BAALC: variants seen among roughly 807,000 people sequenced by gnomAD.
BAALC encodes the protein BAALC binder of MAP3K1 and KLF4.
BAALC carries 9 observed loss-of-function variants against 15.5 expected under a neutral mutation model. The observed-to-expected ratio is 0.58, with a 90% CI of 0.35 to 1.02. BAALC has a LOEUF of 1.02. Ranked by LOEUF, BAALC falls within the 50% of genes least tolerant of loss-of-function variation. The pLI is 0.02. For synonymous variants in BAALC, 80 were observed against 74.6 expected (o/e 1.07, Z -0.37); for missense variants, 201 against 192.4 (o/e 1.04, Z -0.27).
At chr8:103,184,102 C>T (rs556285343) in intron 1 of BAALC, among the ~76,000 whole-genome samples, 1 of 152,314 alleles carries the variant, frequency 6.6e-6, no homozygotes, top group Admixed American at 6.5e-5. Flanking sequence ...AAACTAGCAA[C>T]ATTGCATCTC....
At chr8:103,224,242 C>A (rs911534959) in intron 2 of BAALC, among the ~76,000 whole-genome samples, 8 of 151,988 alleles carry the variant, frequency 5.3e-5, no homozygotes, top group Non-Finnish European at 8.8e-5. Context: ...TTATTCTGAG[C>A]CAAATATGAG....
intron 1 of BAALC, among the ~76,000 whole-genome samples, chr8:103,193,228 G>C (rs925262446): frequency 3.3e-5 from 5 of 152,246 alleles, no homozygotes; most frequent in Admixed American, 1.3e-4. Context: ...TATGCATGCA[G>C]TAAACAGACC....
At chr8:103,202,804 TGAA>T (rs1216644627) in intron 1 of BAALC, 1 of 152,210 alleles carries the variant, frequency 6.6e-6, no homozygotes, top group Non-Finnish European at 1.5e-5. Context: ...GTACCTGCCT[TGAA>T]GAATCTGCTC....
intron 1 of BAALC, among the ~76,000 whole-genome samples, chr8:103,206,664 T>C (rs1329154221): frequency 6.6e-6 from 1 of 151,826 alleles, no homozygotes; most frequent in Non-Finnish European, 1.5e-5. Context: ...AAGAAATACA[T>C]CCAACAAGCA....
intron 2 of BAALC, among the ~76,000 whole-genome samples, chr8:103,224,702 G>A (rs1812764868): frequency 6.6e-6 from 1 of 152,126 alleles, no homozygotes; most frequent in African/African-American, 2.4e-5. Flanking sequence ...AAAAAGGAAG[G>A]GGAAAGGGGA....
In BAALC at chr8:103,162,237, C is replaced by A. The variant is rs61032159; in HGVS notation, c.160+21180C>A. Among the ~76,000 whole-genome samples, 763 of 152,292 alleles carry A rather than the reference C, an allele frequency of 5.0e-3. 10 individuals are homozygous for A. Among genetic ancestry groups the A allele is most frequent in the African/African-American group, 0.017 (720 of 41,546 alleles). On this transcript the variant is annotated intron_variant, in intron 1 of 2. Coordinates refer to ENST00000309982, the MANE Select transcript of BAALC (RefSeq NM_024812.3). ...TTGGCCTCCGGAAGTGTTGGGATTACAGGAATGAGCCACCATGCCCAGCTT... is the reference window on the plus strand; with the variant it reads ...TTGGCCTCCGGAAGTGTTGGGATTAAAGGAATGAGCCACCATGCCCAGCTT...
chr8:103,205,422 G>A (rs552506072), intron 1 of BAALC, among the ~76,000 whole-genome samples: 7 of 152,296 alleles, frequency 4.6e-5, no homozygotes, highest in East Asian at 3.9e-4. Context: ...TACTCTAGGG[G>A]CACATAAATG....
At chr8:103,183,009 A>T (rs1327956218) in intron 1 of BAALC, among the ~76,000 whole-genome samples, 1 of 152,226 alleles carries the variant, frequency 6.6e-6, no homozygotes, top group Non-Finnish European at 1.5e-5. Flanking sequence ...ACAGAAGATG[A>T]CCTTGACATA....
At position 103,157,194 on chromosome 8, in the gene BAALC, C is replaced by T. The variant is rs190981462; in HGVS notation, c.160+16137C>T. ...TATATCTTCAATTGAGCATCAAACACCATCTGGTTGCAATTGCTCAAAACA... is the reference window on the plus strand; with the variant it reads ...TATATCTTCAATTGAGCATCAAACATCATCTGGTTGCAATTGCTCAAAACA... On this transcript the variant is annotated intron_variant, in intron 1 of 2. Transcript: ENST00000309982. 6.7e-3 allele frequency among the ~76,000 whole-genome samples: 1,020 copies of T among 152,156 alleles called. 8 individuals carry two copies. Among genetic ancestry groups the T allele is most frequent in the Non-Finnish European group, 0.01 (681 of 67,994 alleles).
At chr8:103,194,362 A>G (rs1263089306) in intron 1 of BAALC, among the ~76,000 whole-genome samples, 2 of 151,698 alleles carry the variant, frequency 1.3e-5, no homozygotes, top group East Asian at 3.9e-4. Context: ...TACACACAAT[A>G]TAATGTAGTC....
At chr8:103,212,292 A>G (rs1032532754) in intron 1 of BAALC, among the ~76,000 whole-genome samples, 1 of 152,106 alleles carries the variant, frequency 6.6e-6, no homozygotes, top group African/African-American at 2.4e-5. Flanking sequence ...AAAAAAATAT[A>G]CAAAAATTAG....
intron 1 of BAALC, among the ~76,000 whole-genome samples, chr8:103,182,075 C>G (rs1391934098): frequency 6.6e-6 from 1 of 152,200 alleles, no homozygotes; most frequent in Non-Finnish European, 1.5e-5. Context: ...TCATCCAGAG[C>G]CTTTTCTTCT....
intron 1 of BAALC, among the ~76,000 whole-genome samples, chr8:103,200,366 T>C (rs1343066506): frequency 1.3e-5 from 2 of 152,178 alleles, no homozygotes; most frequent in African/African-American, 2.4e-5. Flanking sequence ...CCCAAAGGAA[T>C]ATCATCTAAT....
chr8:103,177,533 G>A (rs16870227), intron 1 of BAALC, among the ~76,000 whole-genome samples: 8,286 of 152,036 alleles, frequency 0.055, 739 homozygotes, highest in African/African-American at 0.19. Flanking sequence ...ATTCCCCACC[G>A]TCTTGGCAGT....
At chr8:103,193,489 A>C (rs1812020280) in intron 1 of BAALC, among the ~76,000 whole-genome samples, 1 of 152,156 alleles carries the variant, frequency 6.6e-6, no homozygotes, top group African/African-American at 2.4e-5. Context: ...AGCCTTTTGC[A>C]CATTGTTGTG....
intron 1 of BAALC, among the ~76,000 whole-genome samples, chr8:103,143,969 C>T (rs551965173): frequency 2.6e-5 from 4 of 152,294 alleles, no homozygotes; most frequent in Non-Finnish European, 5.9e-5. Context: ...AAGTTCTCCC[C>T]AACTTTACCC....
At chr8:103,151,200 GT>G (rs1335116019) in intron 1 of BAALC, among the ~76,000 whole-genome samples, 1 of 151,932 alleles carries the variant, frequency 6.6e-6, no homozygotes, top group Admixed American at 6.6e-5. Context: ...TGTATTTTTA[GT>G]AGAGATGAGG....
chr8:103,203,575 C>T (rs1334667208), intron 1 of BAALC, among the ~76,000 whole-genome samples: 3 of 152,192 alleles, frequency 2.0e-5, no homozygotes, highest in Non-Finnish European at 1.5e-5. Flanking sequence ...AACTTATTAA[C>T]AGTCACTGTC....
chr8:103,179,421 G>A (rs570135974), intron 1 of BAALC, among the ~76,000 whole-genome samples: 1 of 152,304 alleles, frequency 6.6e-6, no homozygotes, highest in African/African-American at 2.4e-5. Flanking sequence ...CCAATCTCTG[G>A]ATAATTGTTC....
Sources: gnomAD v4.1 joint callset for allele counts (sites outside exome capture counted in the v4.1 genomes callset) on GRCh38, gnomAD v4.1.1 for gene constraint, MANE v1.5 for transcripts, NCBI Gene and HGNC (gene_info 2026-07-23, HGNC 2026-07-21) for gene names.